The following SULF2 variants were observed in gnomAD, a reference collection of about 807,000 sequenced individuals.
SULF2 encodes extracellular sulfatase Sulf-2.
In SULF2, 52 loss-of-function variants were observed where a neutral mutation model predicts 107.7. The ratio of observed to expected loss-of-function variants is 0.48; its 90% confidence interval spans 0.39 to 0.61. The LOEUF is 0.61. Ranked by LOEUF, SULF2 falls within the 20% of genes least tolerant of loss-of-function variation. The pLI is 0.00. For synonymous variants in SULF2, 460 were observed against 464.3 expected (o/e 0.99, Z 0.12); for missense variants, 993 against 1,177.3 (o/e 0.84, Z 2.29).
Position 47,676,386 on chromosome 20 carries a change from C to G in SULF2, c.1380+108G>C, listed in dbSNP as rs969267310. 7.8e-6 allele frequency: 10 copies of G among 1,283,726 alleles called. No individual in the cohort carries two copies. The African/African-American group carries it at 1.5e-4, about 19-fold the overall frequency. The allele number at this position is 1,283,726 out of a possible 1,614,324, so 79.5% of individuals were successfully genotyped here. On this transcript the variant is annotated intron_variant, in intron 10 of 20. Transcript: ENST00000688720. ...CACCACACGGCAGCAAAGGACTACC[C>G]GTTGGGAGGCCCTGGCCCTGCTGGC...
intron 2 of SULF2, among the ~76,000 whole-genome samples, chr20:47,737,767 T>TG (rs1568881432): frequency 7.3e-6 from 1 of 136,808 alleles, no homozygotes; most frequent in Non-Finnish European, 1.6e-5. Flanking sequence ...TTTTTTTTTT[T>TG]TTTTTTTTTT....
chr20:47,674,241 C>A (rs1474479697), intron 10 of SULF2, among the ~76,000 whole-genome samples: 1 of 152,264 alleles, frequency 6.6e-6, no homozygotes, highest in Non-Finnish European at 1.5e-5. Flanking sequence ...TGGCCCGTCC[C>A]GAGGCTGTCC....
upstream of SULF2, chr20:47,785,861 C>G (rs1424053627): frequency 6.6e-6 from 1 of 152,598 alleles, no homozygotes; most frequent in Non-Finnish European, 1.5e-5. Context: ...GCGCGGCCCG[C>G]GACCCGGCCC....
At chr20:47,682,955 C>T (rs776101273) in intron 7 of SULF2, 39 bp downstream of exon 7, 7 of 1,547,068 alleles carry the variant, frequency 4.5e-6, no homozygotes, top group Non-Finnish European at 6.1e-6. Flanking sequence ...GAGCTGGGCC[C>T]AGGGGCCTCC....
chr20:47,746,994 A>AAAAAT (rs1555853890), intron 2 of SULF2, among the ~76,000 whole-genome samples: 10 of 131,908 alleles, frequency 7.6e-5, no homozygotes, highest in African/African-American at 1.7e-4. Context: ...AAAAAAAAAA[A>AAAAAT]ATATATATAT....
Position 47,694,073 on chromosome 20 carries a change from A to G in SULF2, c.568-3778T>C, listed in dbSNP as rs2088292627. Among the ~76,000 whole-genome samples, 1 of 152,162 alleles carries G rather than the reference A, an allele frequency of 6.6e-6. No homozygotes were observed. Among genetic ancestry groups the G allele is most frequent in the Non-Finnish European group, 1.5e-5 (1 of 68,022 alleles). ...CTTCCCCGATCTCTGCTAGCTCCGC[A>G]ATGCCACATGACACACCTGCCTCCA... On this transcript the variant is annotated intron_variant, in intron 4 of 20. Coordinates refer to ENST00000688720, the MANE Select transcript of SULF2 (RefSeq NM_001387048.1). This position sits in a 1 kb window ranked among gnomAD's most constrained non-coding sequence, Gnocchi z 4.4.
chr20:47,779,976 G>C (rs1387137541), intron 1 of SULF2, among the ~76,000 whole-genome samples: 1 of 149,688 alleles, frequency 6.7e-6, no homozygotes, highest in Admixed American at 6.7e-5. Context: ...TCTCTGACGT[G>C]CCCTCCCCCA....
intron 3 of SULF2, among the ~76,000 whole-genome samples, chr20:47,715,582 AT>A (rs11476982): frequency 0.72 from 98,473 of 137,378 alleles, 36,322 homozygotes; most frequent in Non-Finnish European, 0.84. Context: ...GGGAATGTCG[AT>A]TTTTTTTTTT....
At chr20:47,691,789 A>T (rs186308706) in intron 4 of SULF2, among the ~76,000 whole-genome samples, 1 of 152,222 alleles carries the variant, frequency 6.6e-6, no homozygotes, top group Non-Finnish European at 1.5e-5. Flanking sequence ...ACTGACTTAC[A>T]TATTGGGCAA....
At chr20:47,777,973 CAAA>C (rs11322737) in intron 1 of SULF2, among the ~76,000 whole-genome samples, 2 of 132,590 alleles carry the variant, frequency 1.5e-5, no homozygotes, top group African/African-American at 2.8e-5. Flanking sequence ...TCATCTCTAC[CAAA>C]AAAAAAAAAA....
intron 1 of SULF2, among the ~76,000 whole-genome samples, chr20:47,778,164 C>G (rs928615075): frequency 6.6e-6 from 1 of 152,162 alleles, no homozygotes; most frequent in Non-Finnish European, 1.5e-5. Context: ...CTCCTCTTCT[C>G]TGGCTACTGG....
In SULF2 at chr20:47,676,504, T is replaced by C. The variant is rs556551217; in HGVS notation, c.1370A>G (p.Gln457Arg). ...QRAEYQTACE[Q>R]LGQKWQCVED... Reference sequence around the variant, plus strand: ...AGGGAGCCTTCTTACCTGTCCCAGCTGCTCACACGCCGTCTGGTACTCAGC... The same window carrying C: ...AGGGAGCCTTCTTACCTGTCCCAGCCGCTCACACGCCGTCTGGTACTCAGC... Residue 457 changes from glutamine to arginine, a missense_variant, in exon 10 of 21, where the codon CAG (glutamine) becomes CGG (arginine). Physicochemically the swap from Gln to Arg is conservative, Grantham distance 43 (BLOSUM62 1). Around this residue, in one of 3 missense-constraint regions of SULF2, gnomAD observed 497 missense variants for 544.1 expected, o/e 0.91. Coordinates refer to ENST00000688720, the MANE Select transcript of SULF2 (RefSeq NM_001387048.1). 4 of 1,608,242 alleles carry C rather than the reference T, an allele frequency of 2.5e-6. No homozygotes were observed. The South Asian group carries it at 4.4e-5, about 18-fold the overall frequency.
chr20:47,719,156 G>A (rs776684407), intron 3 of SULF2, among the ~76,000 whole-genome samples: 13 of 152,170 alleles, frequency 8.5e-5, no homozygotes, highest in Admixed American at 2.0e-4. Flanking sequence ...GCGCTACTTC[G>A]AAATCATGGA....
chr20:47,736,974 G>A (rs1448727243), intron 2 of SULF2, 32 bp from the exon 3 acceptor site: 1 of 1,611,856 alleles, frequency 6.2e-7, no homozygotes, highest in Non-Finnish European at 8.5e-7. Flanking sequence ...AAGGCGCAGG[G>A]CAGGAGACCC....
intron 5 of SULF2, among the ~76,000 whole-genome samples, chr20:47,686,939 C>T (rs956164367): frequency 2.0e-5 from 3 of 152,146 alleles, no homozygotes; most frequent in Non-Finnish European, 4.4e-5. Context: ...GTAGAACATT[C>T]CCAGGAACAA....
intron 5 of SULF2, among the ~76,000 whole-genome samples, chr20:47,687,146 G>A (rs544316177): frequency 5.9e-5 from 9 of 152,322 alleles, no homozygotes; most frequent in Non-Finnish European, 1.0e-4. Context: ...ATCGGCCCTC[G>A]AGAACAGTGA....
At chr20:47,662,989 C>T (rs2087133222) in intron 17 of SULF2, 81 bp downstream of exon 17, 12 of 1,513,992 alleles carry the variant, frequency 7.9e-6, no homozygotes, top group Non-Finnish European at 1.1e-5. Context: ...TTTGTCATCA[C>T]TTCCCTGAGG....
chr20:47,731,659 T>A (rs894874664), intron 3 of SULF2, among the ~76,000 whole-genome samples: 27 of 152,160 alleles, frequency 1.8e-4, no homozygotes, highest in African/African-American at 6.3e-4. Context: ...CACATCAACA[T>A]CACCTCCTCA....
At chr20:47,740,445 G>A (rs1165887923) in intron 2 of SULF2, among the ~76,000 whole-genome samples, 1 of 152,164 alleles carries the variant, frequency 6.6e-6, no homozygotes, top group Non-Finnish European at 1.5e-5. Flanking sequence ...TCCTCTAGTG[G>A]TGACTTCATC....
Sources: gnomAD v4.1 joint callset for allele counts (sites outside exome capture counted in the v4.1 genomes callset) on GRCh38, gnomAD v4.1.1 for gene constraint, gnomAD v4.1.1 regional missense constraint, Gnocchi (gnomAD v3.1) non-coding constraint, MANE v1.5 for transcripts, NCBI Gene and HGNC (gene_info 2026-07-23, HGNC 2026-07-21) for gene names.